The following GRID2 variants were observed in gnomAD, a reference collection of about 807,000 sequenced individuals.
The protein encoded by GRID2 is glutamate ionotropic receptor delta type subunit 2, also known as glutamate receptor ionotropic, delta-2.
In GRID2, 33 loss-of-function variants were observed where a neutral mutation model predicts 114.8. The ratio of observed to expected loss-of-function variants is 0.29; its 90% CI spans 0.22 to 0.38. The LOEUF is 0.38. GRID2 is among the 10% of genes least tolerant of loss of function. The pLI is 1.00. For missense variants in GRID2, 1,184 were observed against 1,257.7 expected, an observed-to-expected ratio of 0.94 and a Z score of 0.89; for synonymous variants, 505 against 449.9, an observed-to-expected ratio of 1.12 and a Z score of -1.55.
At chr4:93,575,666 A>T (rs926751828) in intron 13 of GRID2, among the ~76,000 whole-genome samples, 2 of 152,184 alleles carry the variant, frequency 1.3e-5, no homozygotes, top group Non-Finnish European at 2.9e-5. Flanking sequence ...GCAGGTCCAG[A>T]ATAAATTTTA....
intron 2 of GRID2, among the ~76,000 whole-genome samples, chr4:92,852,479 T>A (rs1743891294): frequency 1.3e-5 from 2 of 151,952 alleles, no homozygotes; most frequent in Admixed American, 1.3e-4. Flanking sequence ...TTCTTCAAAT[T>A]TAAATTGCAT....
intron 2 of GRID2, among the ~76,000 whole-genome samples, chr4:93,056,319 G>T (rs1407178577): frequency 6.6e-6 from 1 of 151,890 alleles, no homozygotes; most frequent in Admixed American, 6.6e-5. Flanking sequence ...AGCTTAAGAG[G>T]TCTGGAGGAA....
intron 11 of GRID2, among the ~76,000 whole-genome samples, chr4:93,479,044 A>G (rs1725599251): frequency 6.6e-6 from 1 of 152,094 alleles, no homozygotes; most frequent in Non-Finnish European, 1.5e-5. Context: ...TTGCAGGTTC[A>G]GTTTTTGCCA....
chr4:93,153,737 C>A (rs952699670), intron 4 of GRID2, among the ~76,000 whole-genome samples: 1 of 152,026 alleles, frequency 6.6e-6, no homozygotes, highest in Non-Finnish European at 1.5e-5. Context: ...AATTCCGGTT[C>A]TCCTTAATAA....
At chr4:92,683,311 T>A (rs984504405) in intron 2 of GRID2, among the ~76,000 whole-genome samples, 2 of 151,428 alleles carry the variant, frequency 1.3e-5, no homozygotes, top group South Asian at 2.1e-4. Flanking sequence ...AAAAAAAAAA[T>A]TGTAGTTAAT....
chr4:92,518,024 TATATC>T (rs1410424929), intron 1 of GRID2, among the ~76,000 whole-genome samples: 1 of 151,908 alleles, frequency 6.6e-6, no homozygotes, highest in Non-Finnish European at 1.5e-5. Context: ...CTTCTAAACT[TATATC>T]AAGTAGCTGA....
chr4:93,597,778 C>G (rs1266268835), intron 13 of GRID2, among the ~76,000 whole-genome samples: 1 of 152,194 alleles, frequency 6.6e-6, no homozygotes, highest in Non-Finnish European at 1.5e-5. Flanking sequence ...CTTTCTGCCT[C>G]AACGAAAATC....
intron 2 of GRID2, among the ~76,000 whole-genome samples, chr4:93,078,314 A>C (rs1729519224): frequency 6.6e-6 from 1 of 152,072 alleles, no homozygotes; most frequent in Non-Finnish European, 1.5e-5. Context: ...GTTGAGGAAA[A>C]ATGTTTTTGG....
chr4:92,559,734 C>G (rs1042997215), intron 1 of GRID2, among the ~76,000 whole-genome samples: 12 of 152,052 alleles, frequency 7.9e-5, no homozygotes, highest in African/African-American at 2.9e-4. Context: ...GGATCAACTC[C>G]CCTTTTCTAA....
intron 14 of GRID2, among the ~76,000 whole-genome samples, chr4:93,693,746 T>C (rs1424555967): frequency 6.6e-6 from 1 of 152,124 alleles, no homozygotes; most frequent in Admixed American, 6.6e-5. Context: ...CCACAGTAAT[T>C]TCATTGTGTG....
chr4:93,675,097 T>C (rs1182865317), intron 14 of GRID2, among the ~76,000 whole-genome samples: 3 of 152,294 alleles, frequency 2.0e-5, no homozygotes, highest in South Asian at 2.1e-4. Context: ...CAAATAAATT[T>C]ATAATTAATT....
At chr4:92,406,456 A>T (rs1731031294) in intron 1 of GRID2, among the ~76,000 whole-genome samples, 1 of 152,160 alleles carries the variant, frequency 6.6e-6, no homozygotes, top group African/African-American at 2.4e-5. Flanking sequence ...TTACTGGCCT[A>T]GAACAGAAAA....
At chr4:93,658,162 G>T (rs1316978636) in intron 14 of GRID2, among the ~76,000 whole-genome samples, 1 of 152,132 alleles carries the variant, frequency 6.6e-6, no homozygotes, top group Non-Finnish European at 1.5e-5. Context: ...CAATCTTAGA[G>T]CATAAAATAA....
chr4:92,914,413 T>C (rs1268771139), intron 2 of GRID2, among the ~76,000 whole-genome samples: 1 of 152,192 alleles, frequency 6.6e-6, no homozygotes, highest in Non-Finnish European at 1.5e-5. Context: ...TCTTTGGAAA[T>C]ATAATTTTTT....
At chr4:92,827,394 C>A (rs1181799077) in intron 2 of GRID2, among the ~76,000 whole-genome samples, 2 of 147,636 alleles carry the variant, frequency 1.4e-5, no homozygotes, top group African/African-American at 5.0e-5. Context: ...TAAAGGGATC[C>A]TGAGATTTAA....
intron 1 of GRID2, among the ~76,000 whole-genome samples, chr4:92,381,396 A>G (rs1729612281): frequency 6.6e-6 from 1 of 152,034 alleles, no homozygotes; most frequent in African/African-American, 2.4e-5. Context: ...TGACTTTCCT[A>G]GTACTTGTAA....
chr4:93,536,448 A>G (rs574906027), intron 13 of GRID2, among the ~76,000 whole-genome samples: 1 of 151,998 alleles, frequency 6.6e-6, no homozygotes, highest in South Asian at 2.1e-4. Context: ...AGAATACACA[A>G]TGGAGAAGGG....
intron 2 of GRID2, among the ~76,000 whole-genome samples, chr4:93,016,514 T>A (rs563719278): frequency 6.6e-6 from 1 of 152,300 alleles, no homozygotes; most frequent in South Asian, 2.1e-4. Flanking sequence ...TTAGAATCCA[T>A]GTACTTTACT....
At chr4:92,780,934 G>A (rs1418726641) in intron 2 of GRID2, among the ~76,000 whole-genome samples, 1 of 151,894 alleles carries the variant, frequency 6.6e-6, no homozygotes, top group Admixed American at 6.6e-5. Context: ...GTTTTTGATC[G>A]TTTTCTTTTG....
Sources: gnomAD v4.1 joint callset for allele counts (sites outside exome capture counted in the v4.1 genomes callset) on GRCh38, gnomAD v4.1.1 for gene constraint, MANE v1.5 for transcripts, NCBI Gene and HGNC (gene_info 2026-07-23, HGNC 2026-07-21) for gene names.